PRKCE: variants seen among roughly 807,000 people sequenced by gnomAD.
The protein encoded by PRKCE is protein kinase C epsilon.
In PRKCE, 16 loss-of-function variants were observed where a neutral mutation model predicts 85.4. That is an observed-to-expected ratio of 0.19 (90% confidence interval 0.13 to 0.28). PRKCE has a LOEUF of 0.28. Among genes scored for constraint, PRKCE ranks in the 10% least tolerant of loss-of-function variants. The probability of loss-of-function intolerance (pLI) is 1.00; values close to 1 mark genes in which losing one functional copy is unlikely to be tolerated. For synonymous variants in PRKCE, 388 were observed against 371.5 expected, an observed-to-expected ratio of 1.04 and a Z score of -0.51; for missense variants, 573 against 975.2, an observed-to-expected ratio of 0.59 and a Z score of 5.49.
At chr2:45,716,546 AAAGAAAGGAAGAAAAAGAAAGAAAGG>A (rs1439292556) in intron 1 of PRKCE, among the ~76,000 whole-genome samples, 5 of 142,930 alleles carry the variant, frequency 3.5e-5, no homozygotes, top group Non-Finnish European at 8.0e-5. Flanking sequence ...AAAGAAAAAG[AAAGAAAGGAAGAAAAAGAAAGAAAGG>A]AAGAAAGGAA....
chr2:46,028,527 A>G (rs1707292020), intron 10 of PRKCE, among the ~76,000 whole-genome samples: 1 of 152,200 alleles, frequency 6.6e-6, no homozygotes, highest in South Asian at 2.1e-4. Context: ...TCTATAGGGG[A>G]CATAGCACTC....
intron 14 of PRKCE, among the ~76,000 whole-genome samples, chr2:46,174,278 A>G (rs949232823): frequency 6.6e-6 from 1 of 152,204 alleles, no homozygotes. Context: ...GTGGCCTCCC[A>G]TTTTAACTGC....
chr2:45,824,275 G>A (rs1433991215), intron 1 of PRKCE, among the ~76,000 whole-genome samples: 1 of 152,196 alleles, frequency 6.6e-6, no homozygotes, highest in Non-Finnish European at 1.5e-5. Flanking sequence ...TTTGAAGTCA[G>A]GGCAAACATC....
At chr2:45,686,507 T>C (rs1195677148) in intron 1 of PRKCE, among the ~76,000 whole-genome samples, 1 of 152,208 alleles carries the variant, frequency 6.6e-6, no homozygotes, top group Non-Finnish European at 1.5e-5. Flanking sequence ...CAATATGCTA[T>C]TTATTACAAA....
At chr2:45,794,941 C>G (rs1687317061) in intron 1 of PRKCE, among the ~76,000 whole-genome samples, 1 of 148,074 alleles carries the variant, frequency 6.8e-6, no homozygotes, top group African/African-American at 2.5e-5. Context: ...CTAATGAGAG[C>G]AGAGTGATTC....
chr2:45,681,024 C>T (rs1049889970), intron 1 of PRKCE, among the ~76,000 whole-genome samples: 6 of 152,052 alleles, frequency 3.9e-5, no homozygotes, highest in African/African-American at 1.2e-4. Context: ...AGTGCGGTGG[C>T]GCACGCCTGT....
chr2:45,930,066 A>C (rs761648727), intron 2 of PRKCE, among the ~76,000 whole-genome samples: 13 of 152,240 alleles, frequency 8.5e-5, no homozygotes, highest in Non-Finnish European at 1.3e-4. Flanking sequence ...GTGAGAAATG[A>C]ACCCTGCTCT....
At chr2:46,051,155 T>C (rs1708834540) in intron 10 of PRKCE, among the ~76,000 whole-genome samples, 2 of 152,222 alleles carry the variant, frequency 1.3e-5, no homozygotes, top group Non-Finnish European at 2.9e-5. Flanking sequence ...AAGAGTAAGC[T>C]GATAACAAAT....
chr2:45,987,229 TG>T (rs1488574714), intron 6 of PRKCE, among the ~76,000 whole-genome samples: 1 of 151,962 alleles, frequency 6.6e-6, no homozygotes, highest in African/African-American at 2.4e-5. Context: ...GAAATGCTCT[TG>T]CCCCTGCTCA....
intron 1 of PRKCE, among the ~76,000 whole-genome samples, chr2:45,694,975 C>G (rs780811693): frequency 2.0e-5 from 3 of 152,152 alleles, no homozygotes; most frequent in Non-Finnish European, 2.9e-5. Flanking sequence ...TCTCCCTTCT[C>G]CTTCAGTTTG....
chr2:45,891,394 A>G (rs1695711017), intron 2 of PRKCE, among the ~76,000 whole-genome samples: 1 of 152,220 alleles, frequency 6.6e-6, no homozygotes, highest in Non-Finnish European at 1.5e-5. Flanking sequence ...ACACCCTGCC[A>G]TGCCACAGGA....
Position 46,068,869 on chromosome 2 carries a change from C to T in PRKCE, c.1438-17339C>T, listed in dbSNP as rs148415067. On this transcript the variant is annotated intron_variant, in intron 10 of 14. Transcript: ENST00000306156. This position sits in a 1 kb window ranked among gnomAD's most constrained non-coding sequence, Gnocchi z 4.3. The stretch of plus-strand genomic sequence containing the variant: ...GATTGAAATTTAGATTACCACCAGA[C>T]GACAGGAGCTGTGGTCCTTGTGACT... Among the ~76,000 whole-genome samples, 5 of 152,328 alleles carry T rather than the reference C, an allele frequency of 3.3e-5. No homozygotes were observed. Among genetic ancestry groups the T allele is most frequent in the African/African-American group, 4.8e-5 (2 of 41,582 alleles).
intron 1 of PRKCE, among the ~76,000 whole-genome samples, chr2:45,707,090 C>G (rs1311423549): frequency 6.6e-6 from 1 of 152,188 alleles, no homozygotes; most frequent in African/African-American, 2.4e-5. Flanking sequence ...ATTCCTCAGT[C>G]TAACAAATAC....
intron 1 of PRKCE, among the ~76,000 whole-genome samples, chr2:45,675,910 G>A (rs898452621): frequency 7.2e-5 from 11 of 152,214 alleles, no homozygotes; most frequent in East Asian, 1.9e-4. Flanking sequence ...CTGTGGAAGC[G>A]TCTCAGCATT....
At chr2:45,802,781 T>C (rs1687966612) in intron 1 of PRKCE, among the ~76,000 whole-genome samples, 1 of 152,226 alleles carries the variant, frequency 6.6e-6, no homozygotes, top group Non-Finnish European at 1.5e-5. Flanking sequence ...GCTCTCAAAC[T>C]TTACTGTGAA....
At chr2:45,698,626 G>A (rs970113581) in intron 1 of PRKCE, among the ~76,000 whole-genome samples, 1 of 152,104 alleles carries the variant, frequency 6.6e-6, no homozygotes, top group Non-Finnish European at 1.5e-5. Context: ...AAGAGAGGGG[G>A]AGGGGTGTCA....
At chr2:45,923,621 T>G (rs1307944586) in intron 2 of PRKCE, among the ~76,000 whole-genome samples, 5 of 152,190 alleles carry the variant, frequency 3.3e-5, no homozygotes, top group African/African-American at 1.2e-4. Context: ...GATATAGAAG[T>G]CTAAGACACA....
intron 1 of PRKCE, among the ~76,000 whole-genome samples, chr2:45,783,761 G>A (rs550122847): frequency 8.5e-4 from 129 of 152,270 alleles, no homozygotes; most frequent in Non-Finnish European, 5.9e-4. Context: ...TGTGGCTCAC[G>A]AGCCTCCCAT....
chr2:45,853,218 C>G (rs1374002523), intron 2 of PRKCE, among the ~76,000 whole-genome samples: 3 of 152,130 alleles, frequency 2.0e-5, no homozygotes, highest in Admixed American at 2.0e-4. Context: ...TGTTAGAGAG[C>G]TGGGAAATGC....
Sources: allele counts gnomAD v4.1 joint callset (sites outside exome capture counted in the v4.1 genomes callset), GRCh38; gene constraint gnomAD v4.1.1; non-coding constraint Gnocchi (gnomAD v3.1); transcripts MANE v1.5; gene names NCBI Gene and HGNC (gene_info 2026-07-23, HGNC 2026-07-21).